The following LRRC4C variants were observed in gnomAD, a reference collection of about 807,000 sequenced individuals.
The protein encoded by LRRC4C is leucine-rich repeat-containing protein 4C.
LRRC4C carries 5 observed loss-of-function variants against 33.6 expected under a neutral mutation model. The ratio of observed to expected loss-of-function variants is 0.15; its 90% CI spans 0.08 to 0.31. The LOEUF (loss-of-function observed/expected upper bound fraction) is 0.31. Ranked by LOEUF, LRRC4C falls within the 10% of genes least tolerant of loss-of-function variation. The pLI is 1.00. For missense variants in LRRC4C, 560 were observed against 796.7 expected, an observed-to-expected ratio of 0.70 and a Z score of 3.58; for synonymous variants, 329 against 302.0, an observed-to-expected ratio of 1.09 and a Z score of -0.93.
At chr11:40,868,620 C>G (rs933638398) in intron 2 of LRRC4C, among the ~76,000 whole-genome samples, 2 of 152,112 alleles carry the variant, frequency 1.3e-5, no homozygotes, top group East Asian at 1.9e-4. Context: ...GACTACCCAC[C>G]ACCACCAAGT....
intron 1 of LRRC4C, among the ~76,000 whole-genome samples, chr11:41,281,699 C>T (rs2136937626): frequency 6.6e-6 from 1 of 152,238 alleles, no homozygotes; most frequent in African/African-American, 2.4e-5. Flanking sequence ...AATCGGGGAA[C>T]TGATAGTTTA....
Position 40,309,095 on chromosome 11 carries a change from T to A in LRRC4C, c.-176+10533A>T, listed in dbSNP as rs1945178424. ...AGGCTGTATTGTAGCATATTCACGG[T>A]TATGCAACCATCACCACAGTGTCAT... On this transcript the variant is annotated intron_variant, in intron 4 of 6. Transcript: ENST00000528697. Among the ~76,000 whole-genome samples, 4 of 152,356 alleles carry A rather than the reference T, an allele frequency of 2.6e-5. 1 individual carries two copies. In the East Asian group the frequency reaches 7.7e-4, roughly 29 times the overall value.
At chr11:40,702,166 A>G (rs552289804) in intron 2 of LRRC4C, among the ~76,000 whole-genome samples, 1 of 152,150 alleles carries the variant, frequency 6.6e-6, no homozygotes, top group Non-Finnish European at 1.5e-5. Flanking sequence ...TGATGGTCAC[A>G]CAAGTATATA....
intron 2 of LRRC4C, among the ~76,000 whole-genome samples, chr11:40,720,700 C>T (rs1946968825): frequency 6.6e-6 from 1 of 152,134 alleles, no homozygotes; most frequent in South Asian, 2.1e-4. Flanking sequence ...ATAGAGGTCT[C>T]AGAACAATAT....
rs552404888 is a variant in LRRC4C at position 40,897,502 on chromosome 11, C to A, written c.-407+36133G>T. Among the ~76,000 whole-genome samples, 3 of 152,058 alleles carry A rather than the reference C, an allele frequency of 2.0e-5. No individual in the cohort carries two copies. In the East Asian group the frequency reaches 5.8e-4, roughly 30 times the overall value. On this transcript the variant is annotated intron_variant, in intron 2 of 6. Coordinates refer to ENST00000528697, the MANE Select transcript of LRRC4C (RefSeq NM_001258419.2). The stretch of plus-strand genomic sequence containing the variant: ...CCAATGATAGTGGGGATTTAGTGAC[C>A]CAATCTACCACTGTAGGAAGAAAAT...
At chr11:41,280,002 C>T (rs1013748268) in intron 1 of LRRC4C, among the ~76,000 whole-genome samples, 30 of 151,964 alleles carry the variant, frequency 2.0e-4, no homozygotes, top group African/African-American at 6.8e-4. Flanking sequence ...TTAATGGTGT[C>T]GTAATTCCTG....
At chr11:40,435,211 CCAGCAG>C (rs1951096170) in intron 3 of LRRC4C, among the ~76,000 whole-genome samples, 1 of 152,220 alleles carries the variant, frequency 6.6e-6, no homozygotes, top group Admixed American at 6.5e-5. Flanking sequence ...AGGCAGCCAA[CCAGCAG>C]CATATGCTCC....
At chr11:40,696,748 G>GTGTGTATATATATATATA (rs368234307) in intron 2 of LRRC4C, among the ~76,000 whole-genome samples, 1 of 125,896 alleles carries the variant, frequency 7.9e-6, no homozygotes, top group African/African-American at 3.1e-5. Flanking sequence ...TATACACTGT[G>GTGTGTATATATATATATA]TATATATATA....
intron 3 of LRRC4C, among the ~76,000 whole-genome samples, chr11:40,389,240 A>G (rs1299255915): frequency 6.6e-6 from 1 of 152,168 alleles, no homozygotes; most frequent in Non-Finnish European, 1.5e-5. Flanking sequence ...GAGCCACTAA[A>G]AAACAAAGTG....
chr11:41,337,854 ACC>A (rs1951505221), intron 1 of LRRC4C, among the ~76,000 whole-genome samples: 1 of 152,056 alleles, frequency 6.6e-6, no homozygotes, highest in Non-Finnish European at 1.5e-5. Context: ...AAAACAAACA[ACC>A]CCATCAAAAA....
intron 2 of LRRC4C, among the ~76,000 whole-genome samples, chr11:40,810,436 A>T (rs1253245055): frequency 1.3e-5 from 2 of 152,120 alleles, no homozygotes; most frequent in Non-Finnish European, 2.9e-5. Context: ...AGATGATCTT[A>T]TTTTGTCCAA....
At chr11:40,398,400 C>A (rs187423559) in intron 3 of LRRC4C, among the ~76,000 whole-genome samples, 14 of 151,924 alleles carry the variant, frequency 9.2e-5, no homozygotes, top group Non-Finnish European at 4.4e-5. Context: ...AGAGACTATA[C>A]CTGCCTGAGT....
chr11:40,932,629 A>G (rs1254505007), intron 2 of LRRC4C, among the ~76,000 whole-genome samples: 1 of 152,188 alleles, frequency 6.6e-6, no homozygotes, highest in Non-Finnish European at 1.5e-5. Flanking sequence ...ATGAGGGATT[A>G]TTTTGGAAAA....
chr11:40,899,931 T>G (rs1956133186), intron 2 of LRRC4C, among the ~76,000 whole-genome samples: 1 of 152,190 alleles, frequency 6.6e-6, no homozygotes, highest in Admixed American at 6.5e-5. Flanking sequence ...AAAATGTATG[T>G]GTCTGGAGAG....
intron 3 of LRRC4C, among the ~76,000 whole-genome samples, chr11:40,626,726 A>G (rs1962964128): frequency 6.6e-6 from 1 of 152,112 alleles, no homozygotes; most frequent in African/African-American, 2.4e-5. Context: ...TACATACATC[A>G]ATTCTCTTAG....
intron 1 of LRRC4C, among the ~76,000 whole-genome samples, chr11:40,952,882 ACACACACACACACACTCTCTCTCT>A (rs1472431798): frequency 7.0e-5 from 8 of 113,908 alleles, no homozygotes; most frequent in African/African-American, 2.0e-4. Context: ...ACACACACAC[ACACACACACACACACTCTCTCTCT>A]CTCTCTCTCT....
chr11:41,433,262 A>C (rs911241380), intron 1 of LRRC4C, among the ~76,000 whole-genome samples: 2 of 152,198 alleles, frequency 1.3e-5, no homozygotes, highest in African/African-American at 4.8e-5. Flanking sequence ...AATAACCACT[A>C]CCAAAGCATA....
chr11:40,584,842 G>A (rs1296530246), intron 3 of LRRC4C, among the ~76,000 whole-genome samples: 4 of 151,354 alleles, frequency 2.6e-5, no homozygotes, highest in African/African-American at 9.7e-5. Flanking sequence ...TGAGGCAGGA[G>A]AATTGCTTGA....
intron 6 of LRRC4C, among the ~76,000 whole-genome samples, chr11:40,119,654 T>C (rs1855684956): frequency 6.6e-6 from 1 of 152,232 alleles, no homozygotes; most frequent in Non-Finnish European, 1.5e-5. Context: ...CACATGTTCT[T>C]ATGTATTAAT....
Sources: gnomAD v4.1 joint callset for allele counts (sites outside exome capture counted in the v4.1 genomes callset) on GRCh38, gnomAD v4.1.1 for gene constraint, MANE v1.5 for transcripts, NCBI Gene and HGNC (gene_info 2026-07-23, HGNC 2026-07-21) for gene names.